PLXNA4: variants seen among roughly 807,000 people sequenced by gnomAD.
PLXNA4 encodes plexin-A4.
A neutral mutation model predicts 191.8 loss-of-function variants in PLXNA4; 44 were observed. That is an observed-to-expected ratio of 0.23 (90% CI 0.18 to 0.29). The LOEUF (loss-of-function observed/expected upper bound fraction) is 0.29, where lower values mean the gene tolerates loss of function less well. PLXNA4 is among the 10% of genes least tolerant of loss of function. PLXNA4 has a pLI of 1.00. For synonymous variants in PLXNA4, 1,082 were observed against 1,009.5 expected (o/e 1.07, Z -1.36); for missense variants, 1,800 against 2,488.8 (o/e 0.72, Z 5.89).
At chr7:132,256,643 A>G (rs1342136275) in intron 4 of PLXNA4, among the ~76,000 whole-genome samples, 5 of 152,188 alleles carry the variant, frequency 3.3e-5, no homozygotes, top group African/African-American at 1.2e-4. Context: ...TGGATTTAAG[A>G]TGCTGGTGCC....
At chr7:132,611,673 CTG>C (rs1322935551) in intron 2 of PLXNA4, among the ~76,000 whole-genome samples, 1 of 152,200 alleles carries the variant, frequency 6.6e-6, no homozygotes, top group African/African-American at 2.4e-5. Context: ...AATTTGAAAA[CTG>C]TATCTAAGGC....
At chr7:132,404,160 A>G (rs548315658) in intron 3 of PLXNA4, among the ~76,000 whole-genome samples, 22 of 152,158 alleles carry the variant, frequency 1.4e-4, no homozygotes, top group African/African-American at 4.6e-4. Context: ...AGAGGCCTTG[A>G]CCCTAAATAG....
chr7:132,242,151 A>AT (rs397890019), intron 4 of PLXNA4, among the ~76,000 whole-genome samples: 2,096 of 148,158 alleles, frequency 0.014, 48 homozygotes, highest in East Asian at 0.085. Context: ...TACAAAAAGT[A>AT]TTTTTTTTTT....
intron 3 of PLXNA4, among the ~76,000 whole-genome samples, chr7:132,436,201 G>A (rs1795463252): frequency 6.6e-6 from 1 of 152,172 alleles, no homozygotes; most frequent in Non-Finnish European, 1.5e-5. Flanking sequence ...CCTTCTTCCT[G>A]TATTCATCTG....
At chr7:132,195,123 GT>G (rs1384176536) in intron 13 of PLXNA4, among the ~76,000 whole-genome samples, 2 of 152,054 alleles carry the variant, frequency 1.3e-5, no homozygotes, top group Non-Finnish European at 2.9e-5. Flanking sequence ...ACATAAATGT[GT>G]TTTTACATAT....
rs899595277 is a variant in PLXNA4 at position 132,168,408 on chromosome 7, C to A, written c.4182G>T (p.Leu1394=). Residue 1394 remains leucine, a synonymous_variant, in exon 22 of 32, where the codon CTG becomes CTT. Transcript: ENST00000321063. ...CAGTGGCGTACTCCAGCTTGCTCTGCAGCACGGTCATGATGAGTGAGGCCA... is the reference window on the plus strand; with the variant it reads ...CAGTGGCGTACTCCAGCTTGCTCTGAAGCACGGTCATGATGAGTGAGGCCA... ...GNVASLIMTV[L]QSKLEYATDV... is the part of the protein sequence containing the mutation. The A allele has an allele frequency of 6.2e-7, 1 of 1,613,862 alleles. No homozygotes were observed. The highest frequency in any genetic ancestry group is 8.5e-7 in the Non-Finnish European group (1 of 1,179,810).
At chr7:132,392,264 G>A (rs1017625760) in intron 3 of PLXNA4, among the ~76,000 whole-genome samples, 6 of 152,198 alleles carry the variant, frequency 3.9e-5, no homozygotes, top group Middle Eastern at 3.2e-3. Context: ...ATGGGCCCTC[G>A]ATAAATATTT....
At chr7:132,432,421 C>T (rs1186400857) in intron 3 of PLXNA4, among the ~76,000 whole-genome samples, 4 of 152,210 alleles carry the variant, frequency 2.6e-5, no homozygotes, top group Non-Finnish European at 5.9e-5. Context: ...CCTGCATTGC[C>T]ATCTGGTTGC....
At chr7:132,384,053 G>A in intron 3 of PLXNA4, 1 of 985,452 alleles carries the variant, frequency 1.0e-6, no homozygotes, top group Non-Finnish European at 1.2e-6. Context: ...CAGAGGGGTT[G>A]CCTGCTCTCA....
chr7:132,550,669 C>T (rs556919973), intron 1 of PLXNA4, among the ~76,000 whole-genome samples: 11 of 152,322 alleles, frequency 7.2e-5, no homozygotes, highest in Admixed American at 6.5e-4. Context: ...TCCTCCCCTC[C>T]CTCAAGGCTT....
intron 1 of PLXNA4, among the ~76,000 whole-genome samples, chr7:132,517,124 A>T (rs1477171674): frequency 2.6e-5 from 4 of 152,056 alleles, no homozygotes; most frequent in African/African-American, 7.2e-5. Flanking sequence ...TTTAATCTCA[A>T]TTGTGCAGGT....
chr7:132,302,950 C>T (rs1159265001), intron 3 of PLXNA4, among the ~76,000 whole-genome samples: 3 of 152,126 alleles, frequency 2.0e-5, no homozygotes, highest in Non-Finnish European at 4.4e-5. Flanking sequence ...GATCTCAGCT[C>T]ACTGTAACCT....
chr7:132,335,905 T>TC (rs1362818384), intron 3 of PLXNA4, among the ~76,000 whole-genome samples: 6 of 152,136 alleles, frequency 3.9e-5, no homozygotes, highest in Admixed American at 2.0e-4. Context: ...GCTGGTGGTC[T>TC]CCCCCAACCA....
intron 3 of PLXNA4, among the ~76,000 whole-genome samples, chr7:132,374,159 T>C (rs1804562456): frequency 6.6e-6 from 1 of 152,228 alleles, no homozygotes; most frequent in African/African-American, 2.4e-5. Context: ...CTGGTCTTTA[T>C]TAAAAGTGGA....
intron 3 of PLXNA4, among the ~76,000 whole-genome samples, chr7:132,326,517 C>T (rs192131031): frequency 1.2e-4 from 19 of 152,112 alleles, no homozygotes; most frequent in Middle Eastern, 3.4e-3. Flanking sequence ...GCTCATTTCC[C>T]GTCCTTCCCC....
intron 3 of PLXNA4, among the ~76,000 whole-genome samples, chr7:132,478,087 A>C (rs1358858309): frequency 6.6e-6 from 1 of 152,138 alleles, no homozygotes; most frequent in Admixed American, 6.5e-5. Flanking sequence ...TAGGTCACAG[A>C]GCCTCTAGGG....
chr7:132,275,490 A>T (rs1329851823), intron 4 of PLXNA4, among the ~76,000 whole-genome samples: 1 of 152,212 alleles, frequency 6.6e-6, no homozygotes, highest in Non-Finnish European at 1.5e-5. Flanking sequence ...ATTGGTGATC[A>T]GAGGCACATT....
At chr7:132,426,505 A>C (rs1359981873) in intron 3 of PLXNA4, among the ~76,000 whole-genome samples, 1 of 152,228 alleles carries the variant, frequency 6.6e-6, no homozygotes, top group Non-Finnish European at 1.5e-5. Context: ...GGGCAGCAGC[A>C]GGTGTTTGCA....
chr7:132,328,171 G>A (rs56262351), intron 3 of PLXNA4, among the ~76,000 whole-genome samples: 13,953 of 152,174 alleles, frequency 0.092, 836 homozygotes, highest in Admixed American at 0.2. Context: ...TCGGGCGGGC[G>A]CTGGCTTCTC....
Sources: gnomAD v4.1 joint callset for allele counts (sites outside exome capture counted in the v4.1 genomes callset) on GRCh38, gnomAD v4.1.1 for gene constraint, MANE v1.5 for transcripts, NCBI Gene and HGNC (gene_info 2026-07-23, HGNC 2026-07-21) for gene names.